Variants in SUGP1 observed in about 807,000 individuals in gnomAD.
SUGP1 encodes SURP and G-patch domain-containing protein 1.
A neutral mutation model predicts 76.5 loss-of-function variants in SUGP1; 34 were observed. The observed-to-expected ratio is 0.44, with a 90% confidence interval of 0.34 to 0.59. The LOEUF (loss-of-function observed/expected upper bound fraction) is 0.59, where lower values mean the gene tolerates loss of function less well. Among genes scored for constraint, SUGP1 ranks in the 20% least tolerant of loss-of-function variants. SUGP1 has a pLI of 0.01. For missense variants in SUGP1, 752 were observed against 851.7 expected, an observed-to-expected ratio of 0.88 and a Z score of 1.46; for synonymous variants, 326 against 326.2, an observed-to-expected ratio of 1.00 and a Z score of 0.01.
Position 19,302,281 on chromosome 19 carries a change from C to A in SUGP1, c.871G>T (p.Glu291Ter), listed in dbSNP as rs2146615002. 6.2e-7 allele frequency: 1 copy of A among 1,614,206 alleles called. No individual in the cohort carries two copies. The highest frequency in any genetic ancestry group is 2.2e-5 in the East Asian group (1 of 44,886). Reference protein sequence around the residue: ...VETIALQNNRENQAFSFLYEP... With the variant: ...VETIALQNNR ...CCCCCTTACCTGAATGCCTGGTTCT[C>A]ACGGTTGTTCTGGAGGGCAATGGTT... is the stretch of plus-strand genomic sequence containing the variant. Residue 291 changes from glutamate (E) to a stop codon, truncating the protein, a stop_gained, in exon 7 of 14, where the codon GAG (glutamate) becomes TAG (stop). Coordinates refer to ENST00000247001, the MANE Select transcript of SUGP1 (RefSeq NM_172231.4). LOFTEE classifies it high-confidence loss of function.
At chr19:19,306,825 G>A (rs545910759) in intron 3 of SUGP1, among the ~76,000 whole-genome samples, 1 of 152,330 alleles carries the variant, frequency 6.6e-6, no homozygotes, top group South Asian at 2.1e-4. Flanking sequence ...TGAGGACCTG[G>A]AGACCAGCCA....
At chr19:19,300,774 C>T (rs929458686) in intron 7 of SUGP1, among the ~76,000 whole-genome samples, 14 of 152,134 alleles carry the variant, frequency 9.2e-5, no homozygotes, top group Admixed American at 6.5e-4. Context: ...CTGGCCTCCC[C>T]GACAGCCACA....
At chr19:19,292,811 G>A (rs996168915) in intron 8 of SUGP1, among the ~76,000 whole-genome samples, 10 of 152,152 alleles carry the variant, frequency 6.6e-5, no homozygotes, top group South Asian at 2.1e-4. Flanking sequence ...ATTTATCCCC[G>A]CAATGCAAGG....
Position 19,279,387 on chromosome 19 carries a change from G to A in SUGP1, c.1354C>T (p.Gln452Ter). Residue 452 changes from glutamine (Q) to a stop codon, truncating the protein, a stop_gained, in exon 10 of 14, where the codon CAG (glutamine) becomes TAG (stop). Coordinates refer to ENST00000247001, the MANE Select transcript of SUGP1 (RefSeq NM_172231.4). LOFTEE classifies it high-confidence loss of function. Reference sequence around the variant, plus strand: ...TGCATGATCATGTCGTACATCTGCTGCATCTGCAGGGCACACTCGCCAGTG... The same window carrying A: ...TGCATGATCATGTCGTACATCTGCTACATCTGCAGGGCACACTCGCCAGTG... ...KKQLKEQQEM[Q>*]QMYDMIMQHK... 2 of 1,600,504 alleles carry A rather than the reference G, an allele frequency of 1.2e-6. No individual in the cohort carries two copies. The highest frequency in any genetic ancestry group is 1.7e-6 in the Non-Finnish European group (2 of 1,176,606).
At position 19,277,702 on chromosome 19, in the gene SUGP1, A is replaced by G. The variant is rs375666661; in HGVS notation, c.1781+32T>C. ...CAGGGGACCCACAGACCCCAAGTTC[A>G]TGGCCATGCCCTCCCACAAGGCCAC... On this transcript the variant is annotated intron_variant, in intron 12 of 13. Coordinates refer to ENST00000247001, the MANE Select transcript of SUGP1 (RefSeq NM_172231.4). 152 of 1,609,616 alleles carry G rather than the reference A, an allele frequency of 9.4e-5. No individual in the cohort carries two copies. The African/African-American group carries it at 1.8e-3, about 19-fold the overall frequency.
chr19:19,310,304 C>A lies in SUGP1; in HGVS notation c.207-104G>T. The A allele has an allele frequency of 6.0e-6, 5 of 839,628 alleles. No homozygotes were observed. In the South Asian group the frequency reaches 7.2e-5, roughly 12 times the overall value. 52.0% of individuals were successfully genotyped at this position (839,628 alleles called of 1,614,324 possible). On this transcript the variant is annotated intron_variant, in intron 2 of 13. Coordinates refer to ENST00000247001, the MANE Select transcript of SUGP1 (RefSeq NM_172231.4). ...AGGCCATCACCTCGTCCATCATGGC[C>A]CCTAACTCACCCCAGCACTCTCACC...
chr19:19,303,489 T>C, intron 5 of SUGP1, 41 bp from the exon 6 acceptor site: 1 of 1,556,630 alleles, frequency 6.4e-7, no homozygotes. Flanking sequence ...GGAAAATAAG[T>C]ATCTGTGACA....
intron 1 of SUGP1, among the ~76,000 whole-genome samples, chr19:19,317,172 A>G (rs2061400727): frequency 6.6e-6 from 1 of 152,112 alleles, no homozygotes; most frequent in South Asian, 2.1e-4. Flanking sequence ...CAATGTGGTA[A>G]GAGCTCTGCT....
intron 12 of SUGP1, among the ~76,000 whole-genome samples, 177 bp from the exon 13 acceptor site, chr19:19,277,253 G>GA (rs1555787448): frequency 2.0e-5 from 3 of 146,864 alleles, no homozygotes; most frequent in Admixed American, 6.7e-5. Context: ...GGGGCGGGCG[G>GA]GGGGGGGGGG....
At position 19,276,340 on chromosome 19, in the gene SUGP1, T is replaced by C. The variant is rs2017964; in HGVS notation, c.*308A>G. ...TGCTGGGATGACAGGGGTGAGACAC[T>C]GCACCTGGCCTTCCAGCTTTACTAT... is the stretch of plus-strand genomic sequence containing the variant. On this transcript the variant is annotated 3_prime_UTR_variant, in exon 14 of 14. Coordinates refer to ENST00000247001, the MANE Select transcript of SUGP1 (RefSeq NM_172231.4). The C allele has an allele frequency of 0.38, 126,594 of 331,950 alleles. 26,484 individuals are homozygous for C. The highest frequency in any genetic ancestry group is 0.62 in the African/African-American group (29,209 of 47,094). 20.6% of individuals were successfully genotyped at this position (331,950 alleles called of 1,614,324 possible).
rs1028753383 is a variant in SUGP1, at chr19:19,277,058, G to A, written c.1800C>T (p.Asp600=). ...NPVNKGTTTV[D]GAGFGIDRPA... is the part of the protein sequence containing the mutation. ...GCCGGTCAATGCCGAAGCCAGCGCC[G>A]TCCACTGTGGTGGTGCCCCTACAGG... Residue 600 remains aspartate, a synonymous_variant, in exon 13 of 14, where the codon GAC becomes GAT. Transcript: ENST00000247001. 18 of 1,610,790 alleles carry A rather than the reference G, an allele frequency of 1.1e-5. No homozygotes were observed. Among genetic ancestry groups the A allele is most frequent in the Admixed American group, 5.0e-5 (3 of 59,786 alleles).
intron 4 of SUGP1, chr19:19,305,570 C>T: frequency 2.8e-6 from 1 of 363,384 alleles, no homozygotes; most frequent in Non-Finnish European, 5.1e-6. Flanking sequence ...GCGTGCGCCC[C>T]TGCCTTGGCT....
At chr19:19,315,513 T>C (rs1480974709) in intron 2 of SUGP1, among the ~76,000 whole-genome samples, 4 of 152,124 alleles carry the variant, frequency 2.6e-5, no homozygotes, top group Non-Finnish European at 5.9e-5. Context: ...GTGCCCTCAG[T>C]GTTTCTCAGG....
intron 1 of SUGP1, among the ~76,000 whole-genome samples, chr19:19,318,844 T>G (rs965412499): frequency 6.6e-6 from 1 of 152,074 alleles, no homozygotes; most frequent in Non-Finnish European, 1.5e-5. Context: ...CAGACAATGA[T>G]GTCTTCAGAC....
intron 7 of SUGP1, among the ~76,000 whole-genome samples, chr19:19,301,301 C>T (rs2061269645): frequency 6.6e-6 from 1 of 152,136 alleles, no homozygotes; most frequent in Non-Finnish European, 1.5e-5. Context: ...CCAAGCAGCC[C>T]CTCTCCCCGT....
chr19:19,317,100 T>C (rs1222456226), intron 1 of SUGP1, among the ~76,000 whole-genome samples: 1 of 148,344 alleles, frequency 6.7e-6, no homozygotes, highest in East Asian at 2.0e-4. Context: ...ATGGTGCCAC[T>C]GCACTCCAGC....
At chr19:19,317,858 T>C (rs1471014401) in intron 1 of SUGP1, among the ~76,000 whole-genome samples, 1 of 141,208 alleles carries the variant, frequency 7.1e-6, no homozygotes, top group Non-Finnish European at 1.5e-5. Flanking sequence ...TCAGCCAAGA[T>C]GGAATGCAGT....
chr19:19,302,133 G>C, intron 7 of SUGP1, 132 bp downstream of exon 7: 1 of 1,413,272 alleles, frequency 7.1e-7, no homozygotes, highest in Non-Finnish European at 9.6e-7. Flanking sequence ...TCTGGGGTCA[G>C]AGACTCTTGG....
At chr19:19,298,977 A>G (rs2061250362) in intron 7 of SUGP1, among the ~76,000 whole-genome samples, 1 of 152,126 alleles carries the variant, frequency 6.6e-6, no homozygotes, top group African/African-American at 2.4e-5. Flanking sequence ...GACCCCCATG[A>G]GGGGGAGAAA....
Sources: gnomAD v4.1 joint callset for allele counts (sites outside exome capture counted in the v4.1 genomes callset) on GRCh38, gnomAD v4.1.1 for gene constraint, MANE v1.5 for transcripts, NCBI Gene and HGNC (gene_info 2026-07-23, HGNC 2026-07-21) for gene names.